Variants in STAU2 observed in about 807,000 individuals in gnomAD.
STAU2 encodes the protein staufen double-stranded RNA binding protein 2.
Under a neutral mutation model 65.9 loss-of-function variants are expected in STAU2, and 20 were observed. That is an observed-to-expected ratio of 0.30 (90% CI 0.21 to 0.44). STAU2 has a LOEUF of 0.44. Ranked by LOEUF, STAU2 falls within the 20% of genes least tolerant of loss-of-function variation. The pLI is 1.00. For synonymous variants in STAU2, 232 were observed against 233.9 expected (o/e 0.99, Z 0.07); for missense variants, 558 against 683.9 (o/e 0.82, Z 2.05).
chr8:73,645,495 GAA>G (rs1815302876), intron 6 of STAU2, among the ~76,000 whole-genome samples: 1 of 100,858 alleles, frequency 9.9e-6, no homozygotes, highest in Non-Finnish European at 2.8e-5. Flanking sequence ...ACTTAATGGT[GAA>G]AGACTGAATG....
At chr8:73,643,680 T>A (rs1412368838) in intron 6 of STAU2, among the ~76,000 whole-genome samples, 2 of 152,178 alleles carry the variant, frequency 1.3e-5, no homozygotes, top group East Asian at 3.8e-4. Flanking sequence ...GAACACAGAC[T>A]AGGAACTACT....
intron 13 of STAU2, among the ~76,000 whole-genome samples, chr8:73,518,683 T>A (rs1036281832): frequency 3.9e-5 from 6 of 152,238 alleles, no homozygotes; most frequent in African/African-American, 1.2e-4. Flanking sequence ...GGCCATAGTT[T>A]ACTGACTCTT....
rs1047087646 is a variant in STAU2 at position 73,722,884 on chromosome 8, A to C, written c.-17-13722T>G. On this transcript the variant is annotated intron_variant, in intron 3 of 14. Coordinates refer to ENST00000524300, the MANE Select transcript of STAU2 (RefSeq NM_001164380.2). Reference sequence around the variant, plus strand: ...TTTCTAGTTACAAAAACATCACCGAACTTCTAATACCAAAACACTTCTAAT... The same window carrying C: ...TTTCTAGTTACAAAAACATCACCGACCTTCTAATACCAAAACACTTCTAAT... Among the ~76,000 whole-genome samples the C allele has an allele frequency of 2.8e-4, 43 of 152,318 alleles. 1 individual carries two copies. The highest frequency in any genetic ancestry group is 9.6e-4 in the African/African-American group (40 of 41,570).
intron 4 of STAU2, among the ~76,000 whole-genome samples, chr8:73,697,088 C>G (rs1388904488): frequency 3.3e-5 from 5 of 152,050 alleles, no homozygotes; most frequent in African/African-American, 1.2e-4. Flanking sequence ...GAGTCTCACT[C>G]TGTCACCCAG....
At chr8:73,474,669 G>C (rs942248474) in intron 13 of STAU2, among the ~76,000 whole-genome samples, 3 of 151,966 alleles carry the variant, frequency 2.0e-5, no homozygotes, top group Non-Finnish European at 4.4e-5. Flanking sequence ...AAAAAAGTAG[G>C]CTGGTTTGAA....
intron 6 of STAU2, among the ~76,000 whole-genome samples, chr8:73,634,755 C>T (rs768491847): frequency 2.0e-5 from 3 of 152,148 alleles, no homozygotes; most frequent in Non-Finnish European, 4.4e-5. Context: ...AATGGCTGAT[C>T]TCCTGCTTCT....
In STAU2 at chr8:73,682,085, AC is replaced by A. The variant is rs1818471507; in HGVS notation, c.274+6568del. Among the ~76,000 whole-genome samples, 3 of 152,156 alleles carry A rather than the reference AC, an allele frequency of 2.0e-5. 1 individual carries two copies. Among genetic ancestry groups the A allele is most frequent in the Admixed American group, 1.3e-4 (2 of 15,268 alleles). ...GACAGGTCGTTAAGACAGAAAGTCA[AC>A]AAAAAAACAATGGACTTAAACTATA... is the stretch of plus-strand genomic sequence containing the variant. On this transcript the variant is annotated intron_variant, in intron 5 of 14. Coordinates refer to ENST00000524300, the MANE Select transcript of STAU2 (RefSeq NM_001164380.2).
chr8:73,739,078 C>G (rs1806643622), intron 2 of STAU2, among the ~76,000 whole-genome samples: 1 of 151,678 alleles, frequency 6.6e-6, no homozygotes, highest in Non-Finnish European at 1.5e-5. Flanking sequence ...ACCAAAAATA[C>G]AAAAATTAGC....
chr8:73,429,656 C>T (rs1272234726), intron 13 of STAU2, among the ~76,000 whole-genome samples: 1 of 151,592 alleles, frequency 6.6e-6, no homozygotes, highest in East Asian at 1.9e-4. Context: ...AGGCTGGTCT[C>T]AAACTCCCAA....
intron 5 of STAU2, among the ~76,000 whole-genome samples, chr8:73,681,376 A>C (rs1266386175): frequency 6.6e-6 from 1 of 152,234 alleles, no homozygotes; most frequent in African/African-American, 2.4e-5. Flanking sequence ...AAGCTTCATT[A>C]ATGACGGAAA....
At chr8:73,547,531 A>G (rs1673699480) in intron 13 of STAU2, among the ~76,000 whole-genome samples, 1 of 152,214 alleles carries the variant, frequency 6.6e-6, no homozygotes. Flanking sequence ...CCACTGGAAT[A>G]ACAAACCTGA....
intron 13 of STAU2, among the ~76,000 whole-genome samples, chr8:73,517,986 T>C (rs1363837760): frequency 1.3e-5 from 2 of 152,126 alleles, no homozygotes; most frequent in Non-Finnish European, 2.9e-5. Flanking sequence ...TGCTTATACA[T>C]CTGAAATGAA....
chr8:73,645,401 T>C (rs977220965), intron 6 of STAU2, among the ~76,000 whole-genome samples: 1 of 152,006 alleles, frequency 6.6e-6, no homozygotes, highest in Non-Finnish European at 1.5e-5. Flanking sequence ...CCATTCACGA[T>C]AAAAAAAATT....
At chr8:73,733,215 G>T (rs1213119620) in intron 3 of STAU2, among the ~76,000 whole-genome samples, 1 of 151,810 alleles carries the variant, frequency 6.6e-6, no homozygotes, top group Non-Finnish European at 1.5e-5. Context: ...TCACTAAAAA[G>T]AATCACCAGA....
chr8:73,449,286 T>G (rs1182393503), intron 13 of STAU2, among the ~76,000 whole-genome samples: 1 of 152,206 alleles, frequency 6.6e-6, no homozygotes, highest in Non-Finnish European at 1.5e-5. Context: ...GGCATCAGGA[T>G]GGGTCCCTCC....
At position 73,681,998 on chromosome 8, in the gene STAU2, T is replaced by C. The variant is rs2130472755; in HGVS notation, c.274+6656A>G. 1.3e-5 allele frequency among the ~76,000 whole-genome samples: 2 copies of C among 152,124 alleles called. 1 individual carries two copies. The highest frequency in any genetic ancestry group is 3.9e-4 in the East Asian group (2 of 5,182). On this transcript the variant is annotated intron_variant, in intron 5 of 14. Transcript: ENST00000524300. Reference sequence around the variant, plus strand: ...TAAAACAATTACTACTAGACCTTAATAAATGAGACAGAGGGCAAAATAATA... The same window carrying C: ...TAAAACAATTACTACTAGACCTTAACAAATGAGACAGAGGGCAAAATAATA...
rs1809335100 is a variant in STAU2, at chr8:73,574,190, T to G, written c.1222+8580A>C. Among the ~76,000 whole-genome samples, 11 of 152,062 alleles carry G rather than the reference T, an allele frequency of 7.2e-5. 1 individual carries two copies. Among genetic ancestry groups the G allele is most frequent in the Admixed American group, 7.2e-4 (11 of 15,270 alleles). On this transcript the variant is annotated intron_variant, in intron 12 of 14. Coordinates refer to ENST00000524300, the MANE Select transcript of STAU2 (RefSeq NM_001164380.2). ...TCACTGGCCATCAGAGAAATGCAAATCAAAACCACAATGAGATACCATCTC... is the reference window on the plus strand; with the variant it reads ...TCACTGGCCATCAGAGAAATGCAAAGCAAAACCACAATGAGATACCATCTC...
At chr8:73,718,700 A>T (rs1461833021) in intron 3 of STAU2, among the ~76,000 whole-genome samples, 1 of 152,246 alleles carries the variant, frequency 6.6e-6, no homozygotes, top group African/African-American at 2.4e-5. Context: ...TATCTTATTC[A>T]GGTATCCTTT....
chr8:73,430,915 G>A (rs944045400), intron 13 of STAU2, among the ~76,000 whole-genome samples: 15 of 152,212 alleles, frequency 9.9e-5, no homozygotes, highest in African/African-American at 3.6e-4. Context: ...CTTGAAGCCT[G>A]ATTAAGAAGC....
Sources: allele counts gnomAD v4.1 joint callset (sites outside exome capture counted in the v4.1 genomes callset), GRCh38; gene constraint gnomAD v4.1.1; transcripts MANE v1.5; gene names NCBI Gene and HGNC (gene_info 2026-07-23, HGNC 2026-07-21).